Variants in PCSK5 observed in about 807,000 individuals in gnomAD.
The protein encoded by PCSK5 is prohormone convertase 5.
Under a neutral mutation model 233.2 loss-of-function variants are expected in PCSK5, and 129 were observed. The observed-to-expected ratio is 0.55, with a 90% CI of 0.48 to 0.64. PCSK5 has a LOEUF of 0.64. PCSK5 is among the 30% of genes least tolerant of loss of function. The probability of loss-of-function intolerance (pLI) is 0.00; values close to 1 mark genes in which losing one functional copy is unlikely to be tolerated. For synonymous variants in PCSK5, 825 were observed against 879.2 expected (o/e 0.94, Z 1.09); for missense variants, 2,076 against 2,430.1 (o/e 0.85, Z 3.06).
At chr9:76,220,381 G>C (rs184715030) in intron 20 of PCSK5, among the ~76,000 whole-genome samples, 1 of 151,934 alleles carries the variant, frequency 6.6e-6, no homozygotes, top group African/African-American at 2.4e-5. Context: ...ACAAAAATCA[G>C]CTGGGCGTGG....
rs911805783 is a variant in PCSK5, at chr9:76,341,012, C to T, written c.4966+2565C>T. Among the ~76,000 whole-genome samples the T allele has an allele frequency of 6.6e-5, 10 of 150,416 alleles. No individual in the cohort carries two copies. In the East Asian group the frequency reaches 7.8e-4, roughly 12 times the overall value. On this transcript the variant is annotated intron_variant, in intron 35 of 37. Coordinates refer to ENST00000674117, the MANE Select transcript of PCSK5 (RefSeq NM_001372043.1). The stretch of plus-strand genomic sequence containing the variant: ...GGAGGATCACTAGAGCCCAGGAGTT[C>T]GAGACCAGCCTGGGCAACTTGGCGA...
chr9:76,004,248 C>A (rs1375391074), intron 3 of PCSK5, among the ~76,000 whole-genome samples: 1 of 150,806 alleles, frequency 6.6e-6, no homozygotes, highest in Non-Finnish European at 1.5e-5. Flanking sequence ...CTTTGGATTT[C>A]TTTGATGTTT....
chr9:76,157,707 T>C (rs772353404), intron 11 of PCSK5, among the ~76,000 whole-genome samples: 2 of 152,106 alleles, frequency 1.3e-5, no homozygotes, highest in Non-Finnish European at 1.5e-5. Flanking sequence ...CTGAAAAATA[T>C]TTTTGAACTT....
intron 10 of PCSK5, among the ~76,000 whole-genome samples, chr9:76,143,143 G>A (rs74671167): frequency 0.025 from 3,782 of 152,146 alleles, 136 homozygotes; most frequent in African/African-American, 0.085. Flanking sequence ...CTGGAATACC[G>A]TAGTTTCTTT....
intron 24 of PCSK5, among the ~76,000 whole-genome samples, chr9:76,258,023 T>A (rs1357155042): frequency 2.0e-5 from 3 of 152,166 alleles, no homozygotes; most frequent in Non-Finnish European, 4.4e-5. Flanking sequence ...CCCAAGGATG[T>A]CTACCTCTCA....
At chr9:76,022,020 G>A (rs542447343) in intron 3 of PCSK5, among the ~76,000 whole-genome samples, 9 of 152,242 alleles carry the variant, frequency 5.9e-5, no homozygotes, top group African/African-American at 2.2e-4. Context: ...CAGGACACTT[G>A]TCCCTAGGCT....
At chr9:75,978,168 A>G (rs1340501) in intron 2 of PCSK5, among the ~76,000 whole-genome samples, 53,938 of 151,722 alleles carry the variant, frequency 0.36, 9,985 homozygotes, top group Middle Eastern at 0.39. Context: ...TTTTCTTTTA[A>G]TAAGGAGAAA....
At chr9:76,023,041 G>A (rs1019725543) in intron 3 of PCSK5, among the ~76,000 whole-genome samples, 11 of 152,272 alleles carry the variant, frequency 7.2e-5, no homozygotes, top group Admixed American at 2.6e-4. Context: ...GCTTCTAGGC[G>A]CGTGGTTGAG....
At chr9:75,973,535 T>C (rs572179010) in intron 2 of PCSK5, among the ~76,000 whole-genome samples, 1 of 152,298 alleles carries the variant, frequency 6.6e-6, no homozygotes, top group South Asian at 2.1e-4. Context: ...GGCACTAGCA[T>C]AGCCACTGTG....
intron 3 of PCSK5, among the ~76,000 whole-genome samples, chr9:76,006,574 T>A (rs555337681): frequency 6.6e-6 from 1 of 152,316 alleles, no homozygotes; most frequent in East Asian, 1.9e-4. Context: ...TTCTGTCTCT[T>A]TTCTCCTTCT....
chr9:76,040,462 C>A (rs1380455116), intron 5 of PCSK5, among the ~76,000 whole-genome samples: 2 of 150,160 alleles, frequency 1.3e-5, no homozygotes, highest in East Asian at 2.0e-4. Context: ...TGATCCTTAG[C>A]TTCCACCCTG....
intron 7 of PCSK5, among the ~76,000 whole-genome samples, chr9:76,081,017 A>G (rs1167370824): frequency 6.6e-6 from 1 of 152,220 alleles, no homozygotes; most frequent in Non-Finnish European, 1.5e-5. Flanking sequence ...TGGGAAAAAT[A>G]TCAAAGATAA....
intron 7 of PCSK5, among the ~76,000 whole-genome samples, chr9:76,089,931 A>T (rs1478141023): frequency 1.3e-5 from 2 of 152,182 alleles, no homozygotes; most frequent in African/African-American, 4.8e-5. Context: ...ATTGATTTTC[A>T]TAGGGCATTC....
chr9:76,185,508 G>A (rs1824063018), intron 17 of PCSK5, among the ~76,000 whole-genome samples: 1 of 152,216 alleles, frequency 6.6e-6, no homozygotes, highest in East Asian at 1.9e-4. Context: ...CAGGGTCCAG[G>A]CAGTTTCCAG....
At chr9:75,962,337 G>A (rs114108260) in intron 2 of PCSK5, among the ~76,000 whole-genome samples, 232 of 152,290 alleles carry the variant, frequency 1.5e-3, no homozygotes, top group African/African-American at 5.4e-3. Flanking sequence ...TGGAGAAAGC[G>A]CTTGGCTTCA....
At chr9:76,181,232 A>G (rs540569971) in intron 15 of PCSK5, among the ~76,000 whole-genome samples, 166 bp from the exon 16 acceptor site, 3 of 152,200 alleles carry the variant, frequency 2.0e-5, no homozygotes, top group African/African-American at 7.2e-5. Context: ...CACACTGTGC[A>G]GGAGGAAGTT....
intron 5 of PCSK5, among the ~76,000 whole-genome samples, chr9:76,052,733 C>A (rs748087058): frequency 6.6e-6 from 1 of 152,154 alleles, no homozygotes; most frequent in Non-Finnish European, 1.5e-5. Context: ...AGTCTTAACT[C>A]ATTTCAGCAT....
intron 5 of PCSK5, 98 bp downstream of exon 5, chr9:76,027,135 A>G (rs901232122): frequency 7.1e-6 from 5 of 704,088 alleles, no homozygotes; most frequent in African/African-American, 3.6e-5. Context: ...CCTTGATAAC[A>G]TATGATTGCT....
At chr9:76,071,702 C>T in intron 6 of PCSK5, 24 bp from the exon 7 acceptor site, 3 of 1,597,090 alleles carry the variant, frequency 1.9e-6, no homozygotes, top group Non-Finnish European at 2.6e-6. Context: ...CTGTAATGAG[C>T]TAGTTCTCCT....
Sources: gnomAD v4.1 joint callset for allele counts (sites outside exome capture counted in the v4.1 genomes callset) on GRCh38, gnomAD v4.1.1 for gene constraint, MANE v1.5 for transcripts, NCBI Gene and HGNC (gene_info 2026-07-23, HGNC 2026-07-21) for gene names.